ATL1: variants seen among roughly 807,000 people sequenced by gnomAD.
ATL1 encodes atlastin GTPase 1.
In ATL1, 31 loss-of-function variants were observed where a neutral mutation model predicts 75.5. That is an observed-to-expected ratio of 0.41 (90% CI 0.31 to 0.55). The LOEUF (loss-of-function observed/expected upper bound fraction) is 0.55. ATL1 is among the 20% of genes least tolerant of loss of function. ATL1 has a pLI of 0.27. For synonymous variants in ATL1, 226 were observed against 233.3 expected, an observed-to-expected ratio of 0.97 and a Z score of 0.28; for missense variants, 405 against 662.6, an observed-to-expected ratio of 0.61 and a Z score of 4.27.
intron 1 of ATL1, among the ~76,000 whole-genome samples, chr14:50,574,690 T>G (rs2038984449): frequency 1.3e-5 from 2 of 151,868 alleles, no homozygotes; most frequent in Non-Finnish European, 2.9e-5. Context: ...ATGATTAGGT[T>G]TTTTTCTATA....
At chr14:50,604,112 C>T (rs1161401608) in intron 6 of ATL1, among the ~76,000 whole-genome samples, 2 of 152,136 alleles carry the variant, frequency 1.3e-5, no homozygotes, top group African/African-American at 2.4e-5. Context: ...CTAATGTTAC[C>T]GCTCCTTCTT....
intron 5 of ATL1, among the ~76,000 whole-genome samples, chr14:50,594,685 C>T (rs1003496699): frequency 6.6e-6 from 1 of 152,154 alleles, no homozygotes; most frequent in Non-Finnish European, 1.5e-5. Flanking sequence ...TGTTTCTCCT[C>T]TTTCGAATTC....
intron 6 of ATL1, among the ~76,000 whole-genome samples, chr14:50,596,208 C>T (rs2039215314): frequency 6.6e-6 from 1 of 152,072 alleles, no homozygotes; most frequent in South Asian, 2.1e-4. Context: ...GTAGCACATT[C>T]CTGTAATCCC....
chr14:50,602,159 G>C (rs1356865050), intron 6 of ATL1, among the ~76,000 whole-genome samples: 1 of 152,140 alleles, frequency 6.6e-6, no homozygotes, highest in Non-Finnish European at 1.5e-5. Context: ...ACCAAGCAAG[G>C]CTGTCTTCCT....
rs1360562230 is a variant in ATL1, at chr14:50,554,154, C to T, written c.-139-5973C>T. Among the ~76,000 whole-genome samples, 3 of 151,896 alleles carry T rather than the reference C, an allele frequency of 2.0e-5. No homozygotes were observed. The East Asian group carries it at 5.8e-4, about 29-fold the overall frequency. On this transcript the variant is annotated intron_variant, in intron 1 of 13. Transcript: ENST00000441560. ...AAAAACCAATACGTACCCTTAGAGG[C>T]ACTACCTGTTGTGCCTATATGCCTG...
intron 6 of ATL1, among the ~76,000 whole-genome samples, chr14:50,611,770 A>G (rs1566730332): frequency 6.6e-6 from 1 of 152,188 alleles, no homozygotes; most frequent in Admixed American, 6.6e-5. Flanking sequence ...AAGACAGAGA[A>G]TATCAAGCAT....
intron 8 of ATL1, among the ~76,000 whole-genome samples, chr14:50,618,053 A>G (rs1198774809): frequency 6.6e-6 from 1 of 152,232 alleles, no homozygotes; most frequent in African/African-American, 2.4e-5. Flanking sequence ...CTGGTGCATT[A>G]ACACACAGTC....
At chr14:50,607,253 A>G (rs190607155) in intron 6 of ATL1, among the ~76,000 whole-genome samples, 18 of 152,188 alleles carry the variant, frequency 1.2e-4, no homozygotes, top group Non-Finnish European at 2.1e-4. Context: ...GGCAAAGGAT[A>G]AGACCATCTC....
At chr14:50,573,208 A>AT (rs934009947) in intron 1 of ATL1, among the ~76,000 whole-genome samples, 5 of 151,906 alleles carry the variant, frequency 3.3e-5, no homozygotes, top group South Asian at 2.1e-4. Context: ...TGTCCATAAT[A>AT]TTTTTTTTAC....
intron 1 of ATL1, among the ~76,000 whole-genome samples, chr14:50,569,141 T>A (rs558673551): frequency 4.0e-5 from 6 of 151,692 alleles, no homozygotes; most frequent in Non-Finnish European, 7.4e-5. Flanking sequence ...GCTCGAGCCC[T>A]GGAGTTCAAG....
intron 1 of ATL1, among the ~76,000 whole-genome samples, chr14:50,548,409 G>A (rs1835598055): frequency 6.6e-6 from 1 of 152,172 alleles, no homozygotes; most frequent in Admixed American, 6.5e-5. Context: ...ACTGCCACAG[G>A]ATCCTTTTGT....
intron 2 of ATL1, 151 bp downstream of exon 2, chr14:50,588,229 C>G: frequency 1.9e-6 from 2 of 1,044,376 alleles, no homozygotes; most frequent in South Asian, 1.5e-5. Context: ...CCATTCCAAC[C>G]TCAGTGCTTT....
intron 2 of ATL1, 103 bp downstream of exon 2, chr14:50,588,181 C>T: frequency 7.2e-7 from 1 of 1,391,160 alleles, no homozygotes; most frequent in East Asian, 2.4e-5. Context: ...TATTATGTAC[C>T]CTATATATGA....
At chr14:50,613,502 T>G in intron 7 of ATL1, 151 bp downstream of exon 7, 1 of 672,206 alleles carries the variant, frequency 1.5e-6, no homozygotes, top group Non-Finnish European at 2.6e-6. Context: ...TTTGTATATA[T>G]CTATAAAACA....
At chr14:50,589,460 A>T (rs1480510974) in intron 2 of ATL1, among the ~76,000 whole-genome samples, 1 of 152,058 alleles carries the variant, frequency 6.6e-6, no homozygotes, top group East Asian at 1.9e-4. Flanking sequence ...GCCCAGCCTG[A>T]TCGACGTATT....
At chr14:50,586,648 CA>C (rs1346108616) in intron 1 of ATL1, among the ~76,000 whole-genome samples, 1 of 152,052 alleles carries the variant, frequency 6.6e-6, no homozygotes, top group African/African-American at 2.4e-5. Context: ...TGATATAAAG[CA>C]AACGAGCCTA....
intron 1 of ATL1, among the ~76,000 whole-genome samples, chr14:50,541,803 G>A (rs866530225): frequency 6.6e-6 from 1 of 151,774 alleles, no homozygotes; most frequent in East Asian, 2.0e-4. Context: ...GGAGGATCAC[G>A]AGGTCAGGAG....
chr14:50,569,432 A>G (rs1367624027), intron 1 of ATL1, among the ~76,000 whole-genome samples: 1 of 151,946 alleles, frequency 6.6e-6, no homozygotes, highest in African/African-American at 2.4e-5. Context: ...AAAAAAAAAA[A>G]TACATTACTT....
chr14:50,562,378 C>T (rs939096977), intron 1 of ATL1, among the ~76,000 whole-genome samples: 1 of 152,134 alleles, frequency 6.6e-6, no homozygotes, highest in Non-Finnish European at 1.5e-5. Flanking sequence ...GTTTTTCCCT[C>T]TTGGGAACAT....
Sources: gnomAD v4.1 joint callset for allele counts (sites outside exome capture counted in the v4.1 genomes callset) on GRCh38, gnomAD v4.1.1 for gene constraint, MANE v1.5 for transcripts, NCBI Gene and HGNC (gene_info 2026-07-23, HGNC 2026-07-21) for gene names.